SCML2: variants seen among roughly 807,000 people sequenced by gnomAD.
The protein encoded by SCML2 is Scm polycomb group protein like 2.
A neutral mutation model predicts 48.4 loss-of-function variants in SCML2; 6 were observed. The observed-to-expected ratio is 0.12, with a 90% CI of 0.07 to 0.24. The LOEUF is 0.24. Among genes scored for constraint, SCML2 ranks in the 10% least tolerant of loss-of-function variants. SCML2 has a pLI of 1.00. For missense variants in SCML2, 377 were observed against 528.2 expected, an observed-to-expected ratio of 0.71 and a Z score of 2.81; for synonymous variants, 181 against 189.5, an observed-to-expected ratio of 0.95 and a Z score of 0.37.
chrX:18,332,751 G>T (rs1929696162), intron 2 of SCML2, among the ~76,000 whole-genome samples: 1 of 110,779 alleles, frequency 9.0e-6, no homozygotes, highest in Non-Finnish European at 1.9e-5. Context: ...AAGGAGGGAG[G>T]ATCACTTGAG....
At chrX:18,263,708 T>C (rs1178375400) in intron 8 of SCML2, among the ~76,000 whole-genome samples, 1 of 111,844 alleles carries the variant, frequency 8.9e-6, no homozygotes, top group African/African-American at 3.2e-5. Flanking sequence ...AGGAATCTTT[T>C]CTACTTTATT....
intron 14 of SCML2, 108 bp from the exon 15 acceptor site, chrX:18,241,487 T>A: frequency 4.4e-6 from 2 of 455,314 alleles, no homozygotes; most frequent in African/African-American, 2.5e-5. Flanking sequence ...ATATATTCTC[T>A]GAATATGCTT....
chrX:18,260,099 C>T (rs1927006611), intron 9 of SCML2, 72 bp downstream of exon 9: 2 of 746,388 alleles, frequency 2.7e-6, no homozygotes, highest in South Asian at 9.5e-5. Flanking sequence ...ATTTCCAGGA[C>T]TTCGAAGACA....
intron 5 of SCML2, among the ~76,000 whole-genome samples, chrX:18,323,642 A>T (rs1445636304): frequency 9.0e-6 from 1 of 111,643 alleles, no homozygotes; most frequent in African/African-American, 3.3e-5. Context: ...CCTGGAGTGG[A>T]GAAAACTTCT....
chrX:18,351,395 TA>T (rs925056388), intron 1 of SCML2, among the ~76,000 whole-genome samples: 2 of 111,625 alleles, frequency 1.8e-5, no homozygotes, highest in African/African-American at 6.5e-5. Context: ...ATAATGGTTC[TA>T]AAATTATTAG....
rs1221369737 is a variant in SCML2 at position 18,257,008 on chromosome X, A to C, written c.1296T>G (p.His432Gln). The C allele has an allele frequency of 2.1e-5, 25 of 1,188,259 alleles. No homozygotes were observed. The highest frequency in any genetic ancestry group is 2.4e-5 in the Non-Finnish European group (21 of 886,151). Residue 432 changes from histidine to glutamine, a missense_variant, in exon 11 of 15, where the codon CAT becomes CAG. This residue lies in a region of SCML2 where 299 missense variants were observed against 425.5 expected (regional missense o/e 0.70). Coordinates refer to ENST00000251900, the MANE Select transcript of SCML2 (RefSeq NM_006089.3). ...VITASFDGET[H>Q]SIQLPPVNSA... is the part of the protein sequence containing the mutation. ...TGTTCACTGGAGGGAGCTGGATGGAATGAGTTTCCCCATCAAAGGAGGCTA... is the reference window on the plus strand; with the variant it reads ...TGTTCACTGGAGGGAGCTGGATGGACTGAGTTTCCCCATCAAAGGAGGCTA...
chrX:18,273,579 G>A (rs1173415950), intron 7 of SCML2, among the ~76,000 whole-genome samples: 1 of 111,613 alleles, frequency 9.0e-6, no homozygotes, highest in Non-Finnish European at 1.9e-5. Flanking sequence ...TCCCAGATGT[G>A]TTATTCATGC....
At chrX:18,336,106 A>G (rs1397040432) in intron 1 of SCML2, among the ~76,000 whole-genome samples, 1 of 111,972 alleles carries the variant, frequency 8.9e-6, no homozygotes, top group African/African-American at 3.2e-5. Context: ...TTTTCAACTC[A>G]GGGAACAAGG....
At chrX:18,265,557 A>G (rs951559011) in intron 8 of SCML2, 28 bp downstream of exon 8, 1 of 1,105,149 alleles carries the variant, frequency 9.0e-7, no homozygotes, top group Admixed American at 2.3e-5. Flanking sequence ...AAAACCTATA[A>G]TACAAATTAG....
intron 7 of SCML2, among the ~76,000 whole-genome samples, chrX:18,281,169 G>A (rs1243997566): frequency 8.9e-6 from 1 of 112,319 alleles, no homozygotes; most frequent in Non-Finnish European, 1.9e-5. Context: ...GGGCCACAGT[G>A]CAATAAAAAT....
Position 18,241,187 on chromosome X carries a change from C to G in SCML2, c.*64G>C. 1.0e-6 allele frequency: 1 copy of G among 982,899 alleles called. No homozygotes were observed. The highest frequency in any genetic ancestry group is 1.4e-6 in the Non-Finnish European group (1 of 740,355). 81.0% of individuals were successfully genotyped at this position (982,899 alleles called of 1,213,427 possible). A position where few individuals can be genotyped will look rare whatever the true frequency, so the allele number is the denominator to read the frequency against. Reference sequence around the variant, plus strand: ...AAAACAAAAACTGCTAAGAGAAATACTTTTAAATTAAAATGTTAACAGTAC... The same window carrying G: ...AAAACAAAAACTGCTAAGAGAAATAGTTTTAAATTAAAATGTTAACAGTAC... On this transcript the variant is annotated 3_prime_UTR_variant, in exon 15 of 15. Transcript: ENST00000251900.
At chrX:18,333,980 A>T (rs1296134336) in intron 2 of SCML2, 70 bp downstream of exon 2, 1 of 966,490 alleles carries the variant, frequency 1.0e-6, no homozygotes, top group Non-Finnish European at 1.4e-6. Context: ...TCAAAAGTTC[A>T]GTATACCAGA....
rs1035755352 is a variant in SCML2, at chrX:18,239,638, C to A, written c.*1613G>T. 11 of 112,832 alleles carry A rather than the reference C, an allele frequency of 9.7e-5. No homozygotes were observed. The highest frequency in any genetic ancestry group is 3.6e-4 in the African/African-American group (11 of 30,981). The allele number at this position is 112,832 out of a possible 1,213,427, so 9.3% of individuals were successfully genotyped here. ...TGATTCTCATAGCTTATAAACATTA[C>A]ATCAAAGTTACACAAAGTAATAACA... On this transcript the variant is annotated 3_prime_UTR_variant, in exon 15 of 15. Transcript: ENST00000251900.
chrX:18,302,645 C>T (rs1447969242), intron 7 of SCML2, among the ~76,000 whole-genome samples: 3 of 111,744 alleles, frequency 2.7e-5, no homozygotes, highest in African/African-American at 9.8e-5. Context: ...TTAAAACACA[C>T]TCAAAACTTC....
intron 7 of SCML2, among the ~76,000 whole-genome samples, chrX:18,302,141 T>C (rs1386961324): frequency 9.0e-6 from 1 of 110,853 alleles, no homozygotes; most frequent in Non-Finnish European, 1.9e-5. Flanking sequence ...ACTTTTTCTT[T>C]TTCTTTTTTT....
chrX:18,340,809 CAAAA>C (rs752528935), intron 1 of SCML2, among the ~76,000 whole-genome samples: 1 of 39,870 alleles, frequency 2.5e-5, no homozygotes, highest in Admixed American at 3.1e-4. Flanking sequence ...GACTCCGTCT[CAAAA>C]AAAAAAAAAA....
chrX:18,343,485 G>A (rs1038616803), intron 1 of SCML2, among the ~76,000 whole-genome samples: 9 of 111,025 alleles, frequency 8.1e-5, no homozygotes, highest in Non-Finnish European at 1.3e-4. Flanking sequence ...AATACGGACA[G>A]GTGCAGTGGT....
chrX:18,271,345 C>T (rs1239378877), intron 7 of SCML2, among the ~76,000 whole-genome samples: 1 of 110,214 alleles, frequency 9.1e-6, no homozygotes, highest in Admixed American at 9.7e-5. Context: ...TAAGCTCATG[C>T]CTTTTCCAAT....
chrX:18,305,226 A>G lies in SCML2; in HGVS notation c.487-11T>C, dbSNP rs1344493330. The G allele has an allele frequency of 8.6e-6, 10 of 1,166,906 alleles. No individual in the cohort carries two copies. The highest frequency in any genetic ancestry group is 1.1e-5 in the Non-Finnish European group (10 of 874,497). On this transcript the variant is annotated splice_polypyrimidine_tract_variant and intron_variant, in intron 6 of 14. Transcript: ENST00000251900. Reference sequence around the variant, plus strand: ...GGGCTTTGGTGGTTCCTATCAAAACATTAAAAAAAAAAAAGATTTCATTGT... The same window carrying G: ...GGGCTTTGGTGGTTCCTATCAAAACGTTAAAAAAAAAAAAGATTTCATTGT...
Sources: allele counts gnomAD v4.1 joint callset (sites outside exome capture counted in the v4.1 genomes callset), GRCh38; gene constraint gnomAD v4.1.1; regional missense constraint gnomAD v4.1.1; transcripts MANE v1.5; gene names NCBI Gene and HGNC (gene_info 2026-07-23, HGNC 2026-07-21).